ITPKB: variants seen among roughly 807,000 people sequenced by gnomAD.
The protein encoded by ITPKB is IP3 3-kinase B.
Under a neutral mutation model 69.4 loss-of-function variants are expected in ITPKB, and 13 were observed. The observed-to-expected ratio is 0.19, with a 90% CI of 0.12 to 0.30. The LOEUF is 0.30. Ranked by LOEUF, ITPKB falls within the 10% of genes least tolerant of loss-of-function variation. The pLI is 1.00. For missense variants in ITPKB, 1,240 were observed against 1,250.5 expected (o/e 0.99, Z 0.13); for synonymous variants, 584 against 513.7 (o/e 1.14, Z -1.85).
rs1244765132 is a variant in ITPKB, at chr1:226,642,360, G to A, written c.2247-235C>T. ...TAGACAATTTTTTTAGTAGATAAGG[G>A]AGTCTCGCTATGTTGCCCCGGCTGG... On this transcript the variant is annotated intron_variant, in intron 4 of 7. Transcript: ENST00000429204. The surrounding 1 kb of genome is among the most constrained non-coding windows in gnomAD (Gnocchi z 6.4). 6.6e-6 allele frequency among the ~76,000 whole-genome samples: 1 copy of A among 151,868 alleles called. No homozygotes were observed. The highest frequency in any genetic ancestry group is 1.5e-5 in the Non-Finnish European group (1 of 67,974).
Position 226,711,489 on chromosome 1 carries a change from A to G in ITPKB, c.1932+24038T>C, listed in dbSNP as rs539739434. Among the ~76,000 whole-genome samples the G allele has an allele frequency of 4.6e-5, 7 of 151,936 alleles. No individual in the cohort carries two copies. In the East Asian group the frequency reaches 1.4e-3, roughly 29 times the overall value. On this transcript the variant is annotated intron_variant, in intron 2 of 7. Coordinates refer to ENST00000429204, the MANE Select transcript of ITPKB (RefSeq NM_002221.4). ...TGTGTTGTGTATGTTGCACAATGGCAAATAGTGCTCCAAGGCCCAGATGCC... is the reference window on the plus strand; with the variant it reads ...TGTGTTGTGTATGTTGCACAATGGCGAATAGTGCTCCAAGGCCCAGATGCC...
chr1:226,639,455 T>G, intron 6 of ITPKB, 102 bp downstream of exon 6: 1 of 803,104 alleles, frequency 1.2e-6, no homozygotes, highest in Non-Finnish European at 2.2e-6. Flanking sequence ...GGGTGTGCTG[T>G]CCCTGGGGGT....
Position 226,735,641 on chromosome 1 carries a change from C to T in ITPKB, c.1818G>A (p.Thr606=), listed in dbSNP as rs200242451. 1,307 of 1,611,832 alleles carry T rather than the reference C, an allele frequency of 8.1e-4. 12 individuals are homozygous for T. The highest frequency in any genetic ancestry group is 6.4e-3 in the East Asian group (285 of 44,838). The change falls in exon 2 of 8, where the codon ACG becomes ACA. Residue 606 remains threonine, a synonymous_variant. Transcript: ENST00000429204. ...RKLSSSSASS[T]GFSSSYEDSE... ...AGTCTTCGTAGGATGAGGAGAAGCC[C>T]GTGGAGGAGGCCGAGGAAGAGGACA...
In ITPKB at chr1:226,736,253, G is replaced by A. The variant is rs1161288532; in HGVS notation, c.1206C>T (p.Ser402=). The A allele has an allele frequency of 6.4e-7, 1 of 1,565,142 alleles. No homozygotes were observed. The highest frequency in any genetic ancestry group is 8.6e-7 in the Non-Finnish European group (1 of 1,158,170). Reference sequence around the variant, plus strand: ...AGCTCAGGGAATCAGAGGACTCTGCGCTTTGCACGCTCACAGTCGTCTCCT... The same window carrying A: ...AGCTCAGGGAATCAGAGGACTCTGCACTTTGCACGCTCACAGTCGTCTCCT... ...RPEETTVSVQ[S]AESSDSLSWS... is the part of the protein sequence containing the mutation. Residue 402 remains serine, a synonymous_variant, in exon 2 of 8, where the codon AGC becomes AGT. Coordinates refer to ENST00000429204, the MANE Select transcript of ITPKB (RefSeq NM_002221.4).
chr1:226,663,117 C>T (rs556609303), intron 2 of ITPKB, among the ~76,000 whole-genome samples: 16 of 152,334 alleles, frequency 1.1e-4, no homozygotes, highest in Admixed American at 9.8e-4. Flanking sequence ...AGCTGTCCCC[C>T]GGGTCATCTT....
rs545744309 is a variant in ITPKB at position 226,639,397 on chromosome 1, A to G, written c.2553+160T>C. Among the ~76,000 whole-genome samples, 36 of 152,280 alleles carry G rather than the reference A, an allele frequency of 2.4e-4. 1 individual carries two copies. Among genetic ancestry groups the G allele is most frequent in the African/African-American group, 7.2e-4 (30 of 41,570 alleles). On this transcript the variant is annotated intron_variant, in intron 6 of 7. Transcript: ENST00000429204. ...GAAAGGGCAGAGTGAGAGAGCCACA[A>G]AAGTCTCTGCCAGTGGCCTCTCTAC...
chr1:226,738,806 C>A lies in ITPKB; in HGVS notation c.-206+235G>T, dbSNP rs185680064. Among the ~76,000 whole-genome samples the A allele has an allele frequency of 1.1e-3, 163 of 152,300 alleles. No individual in the cohort carries two copies. The highest frequency in any genetic ancestry group is 1.7e-3 in the Non-Finnish European group (118 of 68,010). The stretch of plus-strand genomic sequence containing the variant: ...CTGGAGCGCGCTGAGGGAGGCGGCG[C>A]GGAGTGAGCGGCCCGGAAGGCGGGT... On this transcript the variant is annotated intron_variant, in intron 1 of 7. Transcript: ENST00000429204. This position sits in a 1 kb window ranked among gnomAD's most constrained non-coding sequence, Gnocchi z 4.2.
chr1:226,634,377 AGGGTCCCCTCAGCAGCCAGG>A lies in ITPKB; in HGVS notation c.*274_*293del. The A allele has an allele frequency of 2.6e-6, 1 of 391,946 alleles. No individual in the cohort carries two copies. The highest frequency in any genetic ancestry group is 4.7e-6 in the Non-Finnish European group (1 of 213,820). The allele number at this position is 391,946 out of a possible 1,614,324, so 24.3% of individuals were successfully genotyped here. A position where few individuals can be genotyped will look rare whatever the true frequency, so the allele number is the denominator to read the frequency against. On this transcript the variant is annotated 3_prime_UTR_variant, in exon 8 of 8. Coordinates refer to ENST00000429204, the MANE Select transcript of ITPKB (RefSeq NM_002221.4). This position sits in a 1 kb window ranked among gnomAD's most constrained non-coding sequence, Gnocchi z 6.3. ...CTCCCAGAGGCAGGGCTCATCTGGT[AGGGTCCCCTCAGCAGCCAGG>A]GACCCCCTCCAGCTCTACACCTGAC...
intron 2 of ITPKB, among the ~76,000 whole-genome samples, chr1:226,718,375 G>T (rs1326156262): frequency 3.3e-5 from 5 of 151,916 alleles, no homozygotes; most frequent in Non-Finnish European, 7.4e-5. Flanking sequence ...TCAGCACTTT[G>T]GGAGGCCAGG....
At chr1:226,670,279 T>A (rs547155419) in intron 2 of ITPKB, among the ~76,000 whole-genome samples, 1 of 147,232 alleles carries the variant, frequency 6.8e-6, no homozygotes, top group East Asian at 2.1e-4. Flanking sequence ...CTGGGAGGCA[T>A]CCCCAAGACA....
At chr1:226,701,096 A>G (rs1656626105) in intron 2 of ITPKB, among the ~76,000 whole-genome samples, 1 of 152,194 alleles carries the variant, frequency 6.6e-6, no homozygotes, top group Non-Finnish European at 1.5e-5. Context: ...TAATGCTAAC[A>G]CACCTCCAGG....
chr1:226,673,700 T>C (rs1669668166), intron 2 of ITPKB, among the ~76,000 whole-genome samples: 2 of 152,248 alleles, frequency 1.3e-5, no homozygotes, highest in Admixed American at 6.5e-5. Flanking sequence ...TATGTACATA[T>C]ACCATATACA....
chr1:226,701,008 A>C (rs1329397427), intron 2 of ITPKB, among the ~76,000 whole-genome samples: 1 of 152,222 alleles, frequency 6.6e-6, no homozygotes, highest in Non-Finnish European at 1.5e-5. Context: ...GAAACCAGCA[A>C]GCAGTCAGTC....
chr1:226,707,208 AT>A, intron 2 of ITPKB: 2 of 520,236 alleles, frequency 3.8e-6, no homozygotes, highest in Non-Finnish European at 4.9e-6. Flanking sequence ...TTATTTATTT[AT>A]TTTTGAGATG....
At chr1:226,685,725 G>C (rs1656192421) in intron 2 of ITPKB, among the ~76,000 whole-genome samples, 1 of 152,236 alleles carries the variant, frequency 6.6e-6, no homozygotes, top group Non-Finnish European at 1.5e-5. Flanking sequence ...GGAATGTTCA[G>C]CATGTAACAG....
intron 2 of ITPKB, among the ~76,000 whole-genome samples, chr1:226,666,639 C>G (rs930470487): frequency 2.0e-5 from 3 of 152,178 alleles, no homozygotes; most frequent in Non-Finnish European, 2.9e-5. Flanking sequence ...TCCTAATTTA[C>G]CACCCTGACA....
chr1:226,651,755 G>A (rs1213939546), intron 2 of ITPKB, among the ~76,000 whole-genome samples: 1 of 152,206 alleles, frequency 6.6e-6, no homozygotes, highest in Non-Finnish European at 1.5e-5. Flanking sequence ...ACCTCTCCCA[G>A]AGGCTAAAGA....
intron 2 of ITPKB, among the ~76,000 whole-genome samples, chr1:226,730,415 C>T (rs1657556292): frequency 6.6e-6 from 1 of 152,144 alleles, no homozygotes; most frequent in South Asian, 2.1e-4. Context: ...ACAATGAGCT[C>T]CCCTGATGGC....
chr1:226,705,699 G>A (rs771672956), intron 2 of ITPKB, among the ~76,000 whole-genome samples: 23 of 152,174 alleles, frequency 1.5e-4, no homozygotes, highest in Admixed American at 6.5e-5. Context: ...ACCCCATTCC[G>A]GGAGGCTAGG....
Sources: allele counts gnomAD v4.1 joint callset (sites outside exome capture counted in the v4.1 genomes callset), GRCh38; gene constraint gnomAD v4.1.1; non-coding constraint Gnocchi (gnomAD v3.1); transcripts MANE v1.5; gene names NCBI Gene and HGNC (gene_info 2026-07-23, HGNC 2026-07-21).